Variants in RP1L1 observed in about 807,000 individuals in gnomAD.
RP1L1 encodes retinitis pigmentosa 1-like 1 protein.
A neutral mutation model predicts 15.7 loss-of-function variants in RP1L1; 27 were observed. The ratio of observed to expected loss-of-function variants is 1.72; its 90% confidence interval spans 1.27 to 2.38. The LOEUF is 2.38. Among genes scored for constraint, RP1L1 ranks in the 30% most tolerant of loss-of-function variants. The probability of loss-of-function intolerance (pLI) is 0.00; values close to 1 mark genes in which losing one functional copy is unlikely to be tolerated. For synonymous variants in RP1L1, 1,813 were observed against 1,276.7 expected (o/e 1.42, Z -8.96); for missense variants, 4,798 against 3,075.9 (o/e 1.56, Z -13.24).
At chr8:10,618,591 C>T (rs1798008718) in intron 2 of RP1L1, among the ~76,000 whole-genome samples, 2 of 152,082 alleles carry the variant, frequency 1.3e-5, no homozygotes, top group South Asian at 2.1e-4. Context: ...GCTTGGGAGG[C>T]TGAGATGGGA....
In RP1L1 at chr8:10,609,449, T is replaced by C; in HGVS notation, c.4649A>G (p.Asn1550Ser). The change falls in exon 4 of 4, where the codon AAT becomes AGT. Residue 1550 changes from asparagine (N) to serine (S), a missense_variant. Transcript: ENST00000382483. ...ELRARWGLQD[N>S]DLLDQMAAEL... ...GGCCGCCATCTGGTCCAGCAGATCATTGTCCTGCAGGCCCCAGCGTGCTCG... is the reference window on the plus strand; with the variant it reads ...GGCCGCCATCTGGTCCAGCAGATCACTGTCCTGCAGGCCCCAGCGTGCTCG... 1.9e-6 allele frequency: 3 copies of C among 1,612,496 alleles called. No homozygotes were observed. Among genetic ancestry groups the C allele is most frequent in the Non-Finnish European group, 1.7e-6 (2 of 1,179,966 alleles).
chr8:10,644,559 G>C lies in RP1L1; in HGVS notation c.-20+10339C>G, dbSNP rs373262869. 8.4e-4 allele frequency among the ~76,000 whole-genome samples: 128 copies of C among 152,358 alleles called. 1 individual carries two copies. The highest frequency in any genetic ancestry group is 2.7e-3 in the African/African-American group (112 of 41,588). On this transcript the variant is annotated intron_variant, in intron 1 of 3. Coordinates refer to ENST00000382483, the MANE Select transcript of RP1L1 (RefSeq NM_178857.6). ...ACGCTGGACAGAGACCCAGGAACCA[G>C]TCCTTCCCCTCTCTAGTTTTGGCTA...
In RP1L1 at chr8:10,606,589, T is replaced by TC. The variant is rs1797705306; in HGVS notation, c.*305dup. ...AAAAGCTAAACTGGAGCCTTTCCAA[T>TC]CAGTTCCATCTTTCGGGCTCTGCAG... is the stretch of plus-strand genomic sequence containing the variant. On this transcript the variant is annotated 3_prime_UTR_variant, in exon 4 of 4. Coordinates refer to ENST00000382483, the MANE Select transcript of RP1L1 (RefSeq NM_178857.6). The TC allele has an allele frequency of 3.0e-5, 12 of 395,002 alleles. No homozygotes were observed. The South Asian group carries it at 3.6e-4, about 12-fold the overall frequency. The allele number at this position is 395,002 out of a possible 1,614,324, so 24.5% of individuals were successfully genotyped here. A position where few individuals can be genotyped will look rare whatever the true frequency, so the allele number is the denominator to read the frequency against.
intron 1 of RP1L1, among the ~76,000 whole-genome samples, chr8:10,654,558 G>A (rs1798610297): frequency 6.6e-6 from 1 of 152,080 alleles, no homozygotes; most frequent in Non-Finnish European, 1.5e-5. Flanking sequence ...GAAATCCTCA[G>A]GAGGGATTTC....
At chr8:10,651,174 C>T (rs979102732) in intron 1 of RP1L1, among the ~76,000 whole-genome samples, 1 of 152,214 alleles carries the variant, frequency 6.6e-6, no homozygotes, top group Non-Finnish European at 1.5e-5. Flanking sequence ...ACCAGAGGTT[C>T]TCACAGTGTA....
chr8:10,630,989 C>T (rs572310134), intron 1 of RP1L1, among the ~76,000 whole-genome samples: 18 of 152,298 alleles, frequency 1.2e-4, no homozygotes, highest in African/African-American at 4.3e-4. Context: ...CAGGTAGAGT[C>T]TTGCTCGAGT....
intron 1 of RP1L1, among the ~76,000 whole-genome samples, chr8:10,628,195 G>A (rs769389940): frequency 6.6e-6 from 1 of 152,198 alleles, no homozygotes; most frequent in Non-Finnish European, 1.5e-5. Context: ...CATAAACAAA[G>A]AGGTTAAACC....
At chr8:10,646,482 G>C (rs1380971105) in intron 1 of RP1L1, among the ~76,000 whole-genome samples, 1 of 152,168 alleles carries the variant, frequency 6.6e-6, no homozygotes, top group Non-Finnish European at 1.5e-5. Context: ...GAGCCCACGA[G>C]AGGATGGAGC....
chr8:10,606,435 A>G lies in RP1L1; in HGVS notation c.*460T>C, dbSNP rs928954042. The G allele has an allele frequency of 3.0e-5, 5 of 168,230 alleles. No homozygotes were observed. Among genetic ancestry groups the G allele is most frequent in the African/African-American group, 1.2e-4 (5 of 41,622 alleles). The allele number at this position is 168,230 out of a possible 1,614,324, so 10.4% of individuals were successfully genotyped here. On this transcript the variant is annotated 3_prime_UTR_variant, in exon 4 of 4. Transcript: ENST00000382483. ...TCTGCAGAGTCATCAAATATATTCA[A>G]GACTAGAAAAAAAGCACCTCAAAGT...
At chr8:10,646,981 G>A (rs994513300) in intron 1 of RP1L1, among the ~76,000 whole-genome samples, 3 of 152,122 alleles carry the variant, frequency 2.0e-5, no homozygotes, top group Non-Finnish European at 4.4e-5. Flanking sequence ...AGAAAGCCTC[G>A]CCCGAGGCGG....
At chr8:10,637,937 C>T (rs1253790918) in intron 1 of RP1L1, among the ~76,000 whole-genome samples, 1 of 152,178 alleles carries the variant, frequency 6.6e-6, no homozygotes, top group African/African-American at 2.4e-5. Flanking sequence ...TGGGACAGCC[C>T]CACCCTCCTG....
intron 1 of RP1L1, among the ~76,000 whole-genome samples, chr8:10,646,024 C>G (rs1157338576): frequency 1.3e-5 from 2 of 152,226 alleles, no homozygotes; most frequent in African/African-American, 4.8e-5. Context: ...GAGCCTCCCG[C>G]TGGTCACCAA....
In RP1L1 at chr8:10,622,819, T is replaced by G. The variant is rs764488019; in HGVS notation, c.383A>C (p.Gln128Pro). The G allele has an allele frequency of 3.7e-6, 6 of 1,613,600 alleles. No homozygotes were observed. The South Asian group carries it at 6.6e-5, about 18-fold the overall frequency. ...RPQERNPTAQQLRDVEGQREA... is the reference protein window; with the variant it reads ...RPQERNPTAQPLRDVEGQREA... ...ACGCTGGCCTTCGACATCCCGCAAC[T>G]GCTGAGCAGTGGGGTTTCTCTCCTG... Residue 128 changes from glutamine to proline, a missense_variant, in exon 2 of 4, where the codon CAG (glutamine) becomes CCG (proline). Coordinates refer to ENST00000382483, the MANE Select transcript of RP1L1 (RefSeq NM_178857.6).
chr8:10,649,995 A>G (rs1000233374), intron 1 of RP1L1, among the ~76,000 whole-genome samples: 2 of 152,164 alleles, frequency 1.3e-5, no homozygotes, highest in African/African-American at 4.8e-5. Flanking sequence ...GCCTAAGTCA[A>G]TTATGCAGTT....
At position 10,611,216 on chromosome 8, in the gene RP1L1, A is replaced by C; in HGVS notation, c.2882T>G (p.Leu961Arg). 2 of 1,612,958 alleles carry C rather than the reference A, an allele frequency of 1.2e-6. No individual in the cohort carries two copies. Among genetic ancestry groups the C allele is most frequent in the Non-Finnish European group, 1.7e-6 (2 of 1,180,018 alleles). ...SSPEAVVREW[L>R]DNIPEEPILM... ...TATGGGCTCTTCTGGAATGTTGTCC[A>C]GCCATTCGCGGACCACAGCCTCTGG... The change falls in exon 4 of 4, where the codon CTG (leucine) becomes CGG (arginine). Residue 961 changes from leucine (L) to arginine (R), a missense_variant. Transcript: ENST00000382483.
At chr8:10,651,466 C>T (rs761017057) in intron 1 of RP1L1, among the ~76,000 whole-genome samples, 7 of 152,278 alleles carry the variant, frequency 4.6e-5, no homozygotes, top group South Asian at 2.1e-4. Flanking sequence ...CAGTGGCTAA[C>T]GTCTGTAATC....
At chr8:10,639,561 T>C (rs1184549556) in intron 1 of RP1L1, among the ~76,000 whole-genome samples, 4 of 152,034 alleles carry the variant, frequency 2.6e-5, no homozygotes, top group African/African-American at 9.7e-5. Flanking sequence ...TTTGTAGATA[T>C]GGGGGTCTCA....
intron 1 of RP1L1, among the ~76,000 whole-genome samples, chr8:10,646,775 C>T (rs1270107049): frequency 6.6e-6 from 1 of 152,230 alleles, no homozygotes. Context: ...GACTTATCTG[C>T]TCCACGCCCT....
At chr8:10,620,862 C>G (rs1237758508) in intron 2 of RP1L1, among the ~76,000 whole-genome samples, 1 of 152,142 alleles carries the variant, frequency 6.6e-6, no homozygotes, top group Non-Finnish European at 1.5e-5. Flanking sequence ...AGACCACGGC[C>G]CATGTAGTGA....
Sources: allele counts gnomAD v4.1 joint callset (sites outside exome capture counted in the v4.1 genomes callset), GRCh38; gene constraint gnomAD v4.1.1; transcripts MANE v1.5; gene names NCBI Gene and HGNC (gene_info 2026-07-23, HGNC 2026-07-21).